TOX4: variants seen among roughly 807,000 people sequenced by gnomAD.
TOX4 encodes the protein TOX high mobility group box family member 4.
A neutral mutation model predicts 61.0 loss-of-function variants in TOX4; 12 were observed. That is an observed-to-expected ratio of 0.20 (90% CI 0.13 to 0.32). The LOEUF is 0.32. TOX4 is among the 10% of genes least tolerant of loss of function. The pLI is 1.00. For missense variants in TOX4, 499 were observed against 753.3 expected (o/e 0.66, Z 3.95); for synonymous variants, 268 against 274.8 (o/e 0.98, Z 0.24).
intron 5 of TOX4, among the ~76,000 whole-genome samples, chr14:21,491,347 G>T (rs1257419309): frequency 3.3e-5 from 5 of 151,856 alleles, no homozygotes; most frequent in Non-Finnish European, 7.4e-5. Flanking sequence ...TTGGATTAGG[G>T]TTTATTTTGT....
At position 21,492,901 on chromosome 14, in the gene TOX4, GCTGCTGCTGCTGCTGCTTCTATGCAA is replaced by G. The variant is rs1891323447; in HGVS notation, c.1290_1315del (p.Ala431SerfsTer76). On this transcript the variant is annotated frameshift_variant, in exon 7 of 9. Coordinates refer to ENST00000448790, the MANE Select transcript of TOX4 (RefSeq NM_014828.4). LOFTEE classifies it high-confidence loss of function. ...TCGGTCAGTGTTGCAGGCAGCAGCA[GCTGCTGCTGCTGCTGCTTCTATGCAA>G]CTGCCTCCACCCCGACTACAGCCCC... 1 of 1,598,356 alleles carries G rather than the reference GCTGCTGCTGCTGCTGCTTCTATGCAA, an allele frequency of 6.3e-7. No individual in the cohort carries two copies.
At chr14:21,480,540 G>T (rs1256688595) in intron 2 of TOX4, among the ~76,000 whole-genome samples, 2 of 150,976 alleles carry the variant, frequency 1.3e-5, no homozygotes, top group African/African-American at 4.9e-5. Context: ...TTAAAAAAAA[G>T]TTTTTTTTTA....
rs1411587472 is a variant in TOX4, at chr14:21,489,468, G to T, written c.810+65G>T. ...AGTTTTTAAAGAGATAAAAATTGAG[G>T]TTTTCTTTTTTCTTACATGTCCTTA... On this transcript the variant is annotated intron_variant, in intron 5 of 8. Transcript: ENST00000448790. The T allele has an allele frequency of 2.8e-6, 4 of 1,435,156 alleles. No individual in the cohort carries two copies. In the Admixed American group the frequency reaches 8.8e-5, roughly 31 times the overall value. 88.9% of individuals were successfully genotyped at this position (1,435,156 alleles called of 1,614,324 possible).
chr14:21,486,601 A>C (rs1354658556), intron 2 of TOX4, among the ~76,000 whole-genome samples: 1 of 152,194 alleles, frequency 6.6e-6, no homozygotes, highest in Non-Finnish European at 1.5e-5. Flanking sequence ...CTATTGCTGT[A>C]AATGCCACCA....
At chr14:21,492,434 T>G in intron 6 of TOX4, 58 bp downstream of exon 6, 1 of 1,610,564 alleles carries the variant, frequency 6.2e-7, no homozygotes, top group South Asian at 1.1e-5. Context: ...TTGGAAGTGT[T>G]TGTTAGCAGT....
intron 2 of TOX4, 165 bp downstream of exon 2, chr14:21,477,729 T>TG: frequency 1.4e-6 from 1 of 697,626 alleles, no homozygotes; most frequent in Non-Finnish European, 2.4e-6. Flanking sequence ...GGGGACTATC[T>TG]GGGGAAGTCT....
Position 21,488,816 on chromosome 14 carries a change from C to T in TOX4, c.545C>T (p.Ser182Leu). The change falls in exon 4 of 9, where the codon TCA (serine) becomes TTA (leucine). Residue 182 changes from serine (S) to leucine (L), a missense_variant. By Grantham distance (145) the Ser-to-Leu change is moderately radical. Coordinates refer to ENST00000448790, the MANE Select transcript of TOX4 (RefSeq NM_014828.4). ...RLSTTPSPTS[S>L]LHEDGVEDFR... ...TCAACCACCCCTTCACCTACTAGTT[C>T]ACTTCACGAGGATGGTGTTGAGGAT... 5 of 1,614,212 alleles carry T rather than the reference C, an allele frequency of 3.1e-6. No individual in the cohort carries two copies. Among genetic ancestry groups the T allele is most frequent in the Non-Finnish European group, 4.2e-6 (5 of 1,180,040 alleles).
Position 21,498,478 on chromosome 14 carries a change from G to A in TOX4, c.*1872G>A. The A allele has an allele frequency of 4.0e-6, 4 of 1,002,972 alleles. No homozygotes were observed. Among genetic ancestry groups the A allele is most frequent in the Non-Finnish European group, 4.5e-6 (3 of 666,510 alleles). 62.1% of individuals were successfully genotyped at this position (1,002,972 alleles called of 1,614,324 possible). A position where few individuals can be genotyped will look rare whatever the true frequency, so the allele number is the denominator to read the frequency against. On this transcript the variant is annotated 3_prime_UTR_variant, in exon 9 of 9. Coordinates refer to ENST00000448790, the MANE Select transcript of TOX4 (RefSeq NM_014828.4). ...GACTGCCTATCATCATATCAAATAT[G>A]CCAATTCTAAAAAGAGCTTAACATT...
chr14:21,496,797 G>A lies in TOX4; in HGVS notation c.*191G>A, dbSNP rs1471864122. Reference sequence around the variant, plus strand: ...GGGCCACTGAATTTGCTGTAATCTGGAGATGCTTTTTACTTTCAACCATAA... The same window carrying A: ...GGGCCACTGAATTTGCTGTAATCTGAAGATGCTTTTTACTTTCAACCATAA... On this transcript the variant is annotated 3_prime_UTR_variant, in exon 9 of 9. Coordinates refer to ENST00000448790, the MANE Select transcript of TOX4 (RefSeq NM_014828.4). 1 of 563,684 alleles carries A rather than the reference G, an allele frequency of 1.8e-6. No individual in the cohort carries two copies. The highest frequency in any genetic ancestry group is 2.1e-5 in the South Asian group (1 of 47,562). 34.9% of individuals were successfully genotyped at this position (563,684 alleles called of 1,614,324 possible). A position where few individuals can be genotyped will look rare whatever the true frequency, so the allele number is the denominator to read the frequency against.
At chr14:21,484,225 C>T (rs1314456888) in intron 2 of TOX4, among the ~76,000 whole-genome samples, 3 of 147,034 alleles carry the variant, frequency 2.0e-5, no homozygotes, top group Non-Finnish European at 4.5e-5. Context: ...ATCTTTTTGT[C>T]TTTTAGGAAA....
At position 21,498,608 on chromosome 14, in the gene TOX4, G is replaced by A; in HGVS notation, c.*2002G>A. On this transcript the variant is annotated 3_prime_UTR_variant, in exon 9 of 9. Transcript: ENST00000448790. ...AGGGTTAGTAACTAATGCTTAGCCA[G>A]GCCTGCTTCACAGAGTTGCTACCAG... is the stretch of plus-strand genomic sequence containing the variant. 1 of 546,672 alleles carries A rather than the reference G, an allele frequency of 1.8e-6. No individual in the cohort carries two copies. The highest frequency in any genetic ancestry group is 3.2e-6 in the Non-Finnish European group (1 of 310,876). 33.9% of individuals were successfully genotyped at this position (546,672 alleles called of 1,614,324 possible). A position where few individuals can be genotyped will look rare whatever the true frequency, so the allele number is the denominator to read the frequency against.
In TOX4 at chr14:21,495,309, G is replaced by T. The variant is rs1891377811; in HGVS notation, c.1722G>T (p.Arg574Ser). ...TCTCACCCCAGCCTCGATGTGTGAG[G>T]TCTGGTTGTGAGAACCCTCCCATTG... is the stretch of plus-strand genomic sequence containing the variant. ...VALSPQPRCV[R>S]SGCENPPIVS... The change falls in exon 8 of 9, where the codon AGG becomes AGT. Residue 574 changes from arginine (R) to serine (S), a missense_variant. Physicochemically the swap from Arg to Ser is moderately radical, Grantham distance 110. Transcript: ENST00000448790. The T allele has an allele frequency of 1.9e-6, 3 of 1,614,186 alleles. No individual in the cohort carries two copies. The highest frequency in any genetic ancestry group is 2.5e-6 in the Non-Finnish European group (3 of 1,180,040).
chr14:21,488,171 C>G, intron 3 of TOX4: 1 of 183,832 alleles, frequency 5.4e-6, no homozygotes, highest in South Asian at 1.1e-4. Flanking sequence ...AGCACATCTT[C>G]ATACTCTATA....
rs1255629839 is a variant in TOX4, at chr14:21,488,632, C to G, written c.361C>G (p.Pro121Ala). The G allele has an allele frequency of 1.2e-6, 2 of 1,614,014 alleles. No individual in the cohort carries two copies. The highest frequency in any genetic ancestry group is 4.5e-5 in the East Asian group (2 of 44,896). The change falls in exon 4 of 9, where the codon CCT becomes GCT. Residue 121 changes from proline (P) to alanine (A), a missense_variant. By Grantham distance (27) the Pro-to-Ala change is conservative. Coordinates refer to ENST00000448790, the MANE Select transcript of TOX4 (RefSeq NM_014828.4). ...AGGAACTCAGTATAGTGCCAACCCA[C>G]CTGTTACAATTGATGTACCAATGAC... ...SIGTQYSANPPVTIDVPMTDM... is the reference protein window; with the variant it reads ...SIGTQYSANPAVTIDVPMTDM...
Position 21,496,928 on chromosome 14 carries a change from A to G in TOX4, c.*322A>G, listed in dbSNP as rs540272685. 6.8e-4 allele frequency: 179 copies of G among 264,996 alleles called. 2 individuals carry two copies. The South Asian group carries it at 9.9e-3, about 15-fold the overall frequency. 16.4% of individuals were successfully genotyped at this position (264,996 alleles called of 1,614,324 possible). A position where few individuals can be genotyped will look rare whatever the true frequency, so the allele number is the denominator to read the frequency against. On this transcript the variant is annotated 3_prime_UTR_variant, in exon 9 of 9. Transcript: ENST00000448790. ...AACTTGTTGGTATAATTGTCATAGG[A>G]CTTGCCTAAAATATTATTAAAATTA...
intron 1 of TOX4, 39 bp from the exon 2 acceptor site, chr14:21,477,457 C>A: frequency 6.2e-7 from 1 of 1,612,382 alleles, no homozygotes. Flanking sequence ...ACTCCCTGCT[C>A]CCCCTAACTT....
At chr14:21,487,934 T>C (rs1803754381) in intron 3 of TOX4, 1 of 404,864 alleles carries the variant, frequency 2.5e-6, no homozygotes, top group Admixed American at 4.5e-5. Flanking sequence ...TTGTGGTTTT[T>C]GGGAAAAAGT....
chr14:21,478,388 G>A (rs1031336280), intron 2 of TOX4, among the ~76,000 whole-genome samples: 4 of 152,228 alleles, frequency 2.6e-5, no homozygotes, highest in African/African-American at 7.2e-5. Flanking sequence ...TGACTCAGAC[G>A]TTGGGCACAT....
intron 2 of TOX4, among the ~76,000 whole-genome samples, chr14:21,477,845 T>TG (rs1490376108): frequency 2.0e-5 from 3 of 152,214 alleles, no homozygotes; most frequent in Admixed American, 6.5e-5. Context: ...CTCCTTTCTC[T>TG]GGGGAGAAAT....
Sources: allele counts gnomAD v4.1 joint callset (sites outside exome capture counted in the v4.1 genomes callset), GRCh38; gene constraint gnomAD v4.1.1; transcripts MANE v1.5; gene names NCBI Gene and HGNC (gene_info 2026-07-23, HGNC 2026-07-21).